The following PSME4 variants were observed in gnomAD, a reference collection of about 807,000 sequenced individuals.
PSME4 encodes proteasome activator subunit 4, also known as proteasome activator complex subunit 4.
PSME4 carries 89 observed loss-of-function variants against 253.9 expected under a neutral mutation model. That is an observed-to-expected ratio of 0.35 (90% CI 0.30 to 0.42). The LOEUF (loss-of-function observed/expected upper bound fraction) is 0.42. PSME4 is among the 10% of genes least tolerant of loss of function. PSME4 has a pLI of 1.00. For missense variants in PSME4, 2,014 were observed against 2,195.2 expected, an observed-to-expected ratio of 0.92 and a Z score of 1.65; for synonymous variants, 851 against 759.2, an observed-to-expected ratio of 1.12 and a Z score of -1.99.
At chr2:53,938,270 A>T (rs926936727) in intron 4 of PSME4, among the ~76,000 whole-genome samples, 2 of 152,204 alleles carry the variant, frequency 1.3e-5, no homozygotes, top group African/African-American at 4.8e-5. Flanking sequence ...ATGTTGAATA[A>T]ACCATTTACC....
At chr2:53,969,431 C>A (rs1464652860) in intron 1 of PSME4, among the ~76,000 whole-genome samples, 1 of 152,052 alleles carries the variant, frequency 6.6e-6, no homozygotes, top group African/African-American at 2.4e-5. Context: ...AGTGAATATA[C>A]ACAAAACTAT....
intron 20 of PSME4, among the ~76,000 whole-genome samples, chr2:53,918,285 TTTAAA>T (rs1280539674): frequency 6.6e-6 from 1 of 152,240 alleles, no homozygotes. Flanking sequence ...TCTTAGTATA[TTTAAA>T]TTATTATCTA....
At chr2:53,935,596 G>A (rs975472743) in intron 7 of PSME4, among the ~76,000 whole-genome samples, 9 of 152,046 alleles carry the variant, frequency 5.9e-5, no homozygotes, top group Non-Finnish European at 1.2e-4. Context: ...AACCAAATAC[G>A]GTACACAAAA....
intron 11 of PSME4, 36 bp downstream of exon 11, chr2:53,928,081 C>T (rs1361029661): frequency 3.9e-6 from 6 of 1,526,252 alleles, no homozygotes; most frequent in Non-Finnish European, 5.4e-6. Context: ...TTGCCTCCTA[C>T]CTAAATACGG....
At chr2:53,899,118 G>A (rs888698283) in intron 29 of PSME4, among the ~76,000 whole-genome samples, 1 of 152,160 alleles carries the variant, frequency 6.6e-6, no homozygotes, top group Non-Finnish European at 1.5e-5. Context: ...AGGCTGAACT[G>A]CAGGGGCACG....
chr2:53,926,622 A>G (rs1668569278), intron 12 of PSME4, among the ~76,000 whole-genome samples: 1 of 152,142 alleles, frequency 6.6e-6, no homozygotes, highest in South Asian at 2.1e-4. Flanking sequence ...CAGAGGCTGC[A>G]GTGAGCCAAG....
At chr2:53,910,020 G>A in intron 21 of PSME4, 55 bp downstream of exon 21, 3 of 1,338,624 alleles carry the variant, frequency 2.2e-6, no homozygotes, top group Non-Finnish European at 3.2e-6. Flanking sequence ...TAGTCCTTGT[G>A]GAGTTACTGA....
chr2:53,876,380 T>C (rs533163012), intron 41 of PSME4, among the ~76,000 whole-genome samples: 1 of 152,300 alleles, frequency 6.6e-6, no homozygotes, highest in South Asian at 2.1e-4. Flanking sequence ...CCTGCAGTGG[T>C]ATTCCTTGGC....
At chr2:53,895,109 A>G (rs1265072558) in intron 33 of PSME4, 33 bp from the exon 34 acceptor site, 2 of 1,550,668 alleles carry the variant, frequency 1.3e-6, no homozygotes, top group Non-Finnish European at 1.7e-6. Flanking sequence ...TATCATACGC[A>G]TAGAAAAAAA....
chr2:53,908,506 G>A lies in PSME4; in HGVS notation c.2685+4C>T, dbSNP rs778114365. ...ATTATGCAACTATCAAATGACAAAT[G>A]TACCTTTATAATAAGAAACAATGAC... On this transcript the variant is annotated splice_donor_region_variant and intron_variant, in intron 23 of 46. Coordinates refer to ENST00000404125, the MANE Select transcript of PSME4 (RefSeq NM_014614.3). 2.5e-6 allele frequency: 4 copies of A among 1,610,404 alleles called. No homozygotes were observed. Among genetic ancestry groups the A allele is most frequent in the African/African-American group, 2.7e-5 (2 of 74,750 alleles).
chr2:53,944,146 T>C (rs1479904461), intron 3 of PSME4, among the ~76,000 whole-genome samples: 1 of 152,124 alleles, frequency 6.6e-6, no homozygotes, highest in Non-Finnish European at 1.5e-5. Flanking sequence ...ATCAAAATCA[T>C]TAATAAAATC....
chr2:53,940,958 TATATATATATATATATATATATATATA>T lies in PSME4; in HGVS notation c.501-985_501-959del, dbSNP rs1669399840. 8.9e-4 allele frequency among the ~76,000 whole-genome samples: 44 copies of T among 49,618 alleles called. 3 individuals carry two copies. In the South Asian group the frequency reaches 0.011, roughly 12 times the overall value. 32.6% of individuals were successfully genotyped at this position (49,618 alleles called of 152,430 possible). A position where few individuals can be genotyped will look rare whatever the true frequency, so the allele number is the denominator to read the frequency against. On this transcript the variant is annotated intron_variant, in intron 3 of 46. Coordinates refer to ENST00000404125, the MANE Select transcript of PSME4 (RefSeq NM_014614.3). ...ATATATAAATATATATATACATATA[TATATATATATATATATATATATATATA>T]TATATATATATATATGAAAGGAGTA...
In PSME4 at chr2:53,866,121, C is replaced by T. The variant is rs781139148; in HGVS notation, c.5500G>A (p.Asp1834Asn). Residue 1834 changes from aspartate to asparagine, a missense_variant, in exon 46 of 47, where the codon GAT becomes AAT. By Grantham distance (23) the Asp-to-Asn change is conservative. Transcript: ENST00000404125. The part of the protein sequence containing the change: ...FTDDQLLVLT[D>N]LLVSPCYYA ...TAATAGCATGGTGACACAAGAAGATCGGTGAGAACAAGCAGTTGGTCATCA... is the reference window on the plus strand; with the variant it reads ...TAATAGCATGGTGACACAAGAAGATTGGTGAGAACAAGCAGTTGGTCATCA... 6.8e-6 allele frequency: 11 copies of T among 1,613,052 alleles called. No homozygotes were observed. Among genetic ancestry groups the T allele is most frequent in the Non-Finnish European group, 2.5e-6 (3 of 1,179,174 alleles).
At chr2:53,957,233 T>C (rs1458929797) in intron 1 of PSME4, among the ~76,000 whole-genome samples, 1 of 152,138 alleles carries the variant, frequency 6.6e-6, no homozygotes, top group Non-Finnish European at 1.5e-5. Flanking sequence ...TGGAAAACAA[T>C]TTTTCCACAG....
At chr2:53,922,979 C>A in intron 16 of PSME4, 70 bp downstream of exon 16, 1 of 1,213,892 alleles carries the variant, frequency 8.2e-7, no homozygotes, top group Non-Finnish European at 1.1e-6. Context: ...TTGTCATTAA[C>A]AGAGTTTTAG....
chr2:53,927,897 C>T (rs1379621568), intron 11 of PSME4, among the ~76,000 whole-genome samples: 1 of 152,108 alleles, frequency 6.6e-6, no homozygotes, highest in Non-Finnish European at 1.5e-5. Context: ...GTGCAATGAG[C>T]CGAGGTCGCG....
intron 29 of PSME4, among the ~76,000 whole-genome samples, chr2:53,898,633 G>GTACA (rs202043988): frequency 0.014 from 2,053 of 142,484 alleles, 42 homozygotes; most frequent in African/African-American, 0.038. Context: ...ATTGGGAGTG[G>GTACA]CACACACACA....
intron 38 of PSME4, 22 bp downstream of exon 38, chr2:53,888,699 T>A: frequency 6.5e-7 from 1 of 1,537,820 alleles, no homozygotes; most frequent in Non-Finnish European, 9.0e-7. Flanking sequence ...GTTAACCTCA[T>A]AGGTTTTTTA....
intron 44 of PSME4, among the ~76,000 whole-genome samples, chr2:53,868,549 A>AT (rs1268329412): frequency 3.4e-3 from 192 of 55,982 alleles, no homozygotes; most frequent in Middle Eastern, 8.9e-3. Flanking sequence ...TTATAAATAT[A>AT]TTTATAATAT....
Sources: allele counts gnomAD v4.1 joint callset (sites outside exome capture counted in the v4.1 genomes callset), GRCh38; gene constraint gnomAD v4.1.1; transcripts MANE v1.5; gene names NCBI Gene and HGNC (gene_info 2026-07-23, HGNC 2026-07-21).